CTSB: variants seen among roughly 807,000 people sequenced by gnomAD.
CTSB encodes the protein cathepsin B.
CTSB carries 57 observed loss-of-function variants against 44.3 expected under a neutral mutation model. The observed-to-expected ratio is 1.29, with a 90% confidence interval of 1.04 to 1.60. The LOEUF (loss-of-function observed/expected upper bound fraction) is 1.60, where lower values mean the gene tolerates loss of function less well. Among genes scored for constraint, CTSB ranks in the 40% most tolerant of loss-of-function variants. The probability of loss-of-function intolerance (pLI) is 0.00; values close to 1 mark genes in which losing one functional copy is unlikely to be tolerated. For missense variants in CTSB, 768 were observed against 443.0 expected (o/e 1.73, Z -6.59); for synonymous variants, 320 against 168.0 (o/e 1.91, Z -7.00).
rs771969844 is a variant in CTSB at position 11,849,181 on chromosome 8, C to T, written c.328-17G>A. ...CCCGAAGGCCTGCAGGAACGAGCCC[C>T]ACCGGGTGAGGCTGCCATGTCCGGG... On this transcript the variant is annotated splice_polypyrimidine_tract_variant and intron_variant, in intron 4 of 9. Transcript: ENST00000353047. The T allele has an allele frequency of 8.1e-6, 13 of 1,606,112 alleles. No homozygotes were observed. In the South Asian group the frequency reaches 1.2e-4, roughly 15 times the overall value.
intron 1 of CTSB, chr8:11,864,592 G>C (rs1816857595): frequency 6.6e-6 from 1 of 152,212 alleles, no homozygotes; most frequent in South Asian, 2.1e-4. Context: ...GGAAGGATCA[G>C]GAAACAGGCA....
chr8:11,846,987 C>T (rs554293720), intron 8 of CTSB, 65 bp downstream of exon 8: 2 of 860,106 alleles, frequency 2.3e-6, no homozygotes, highest in Admixed American at 3.5e-5. Context: ...CAACATGAAC[C>T]ATCCTGGCAC....
intron 1 of CTSB, chr8:11,854,947 C>G (rs766020585): frequency 1.3e-5 from 2 of 152,354 alleles, no homozygotes; most frequent in Non-Finnish European, 2.9e-5. Flanking sequence ...CAGGACAGTG[C>G]TTGTACAAGT....
rs1306169388 is a variant in CTSB at position 11,845,202 on chromosome 8, C to T, written c.943G>A (p.Gly315Arg). ...GATTCGATTCCACAGTGATCCTGTCCTCTGAGTATTTTAAAGAAGCCTGGG... is the reference window on the plus strand; with the variant it reads ...GATTCGATTCCACAGTGATCCTGTCTTCTGAGTATTTTAAAGAAGCCTGGG... Reference protein sequence around the residue: ...GDNGFFKILRGQDHCGIESEV... With the variant: ...GDNGFFKILRRQDHCGIESEV... The change falls in exon 10 of 10, where the codon GGA (glycine) becomes AGA (arginine). Residue 315 changes from glycine (G) to arginine (R), a missense_variant. Physicochemically the swap from Gly to Arg is moderately radical, Grantham distance 125 (BLOSUM62 -2). Transcript: ENST00000353047. 26 of 1,613,488 alleles carry T rather than the reference C, an allele frequency of 1.6e-5. No homozygotes were observed. The highest frequency in any genetic ancestry group is 2.0e-5 in the Non-Finnish European group (24 of 1,179,436).
chr8:11,859,253 C>T (rs1165458778), intron 1 of CTSB, among the ~76,000 whole-genome samples: 3 of 152,216 alleles, frequency 2.0e-5, no homozygotes, highest in Admixed American at 6.5e-5. Context: ...AAAGAGTGTG[C>T]GGCCAGGCGA....
chr8:11,858,734 G>T (rs771856626), intron 1 of CTSB, among the ~76,000 whole-genome samples: 1 of 152,184 alleles, frequency 6.6e-6, no homozygotes, highest in Non-Finnish European at 1.5e-5. Context: ...ACTCCATTGT[G>T]CAACAGGCGC....
chr8:11,851,044 A>C, intron 3 of CTSB, 64 bp from the exon 4 acceptor site: 3 of 1,240,760 alleles, frequency 2.4e-6, no homozygotes, highest in Non-Finnish European at 3.5e-6. Context: ...ATCCCTGCAA[A>C]GGCCACTTTG....
chr8:11,857,617 C>T (rs980509844), intron 1 of CTSB, among the ~76,000 whole-genome samples: 1 of 152,162 alleles, frequency 6.6e-6, no homozygotes, highest in Non-Finnish European at 1.5e-5. Flanking sequence ...CAGTGGCTCT[C>T]AACTCCTGGA....
chr8:11,853,424 G>C lies in CTSB; in HGVS notation c.31C>G (p.Leu11Val), dbSNP rs778054159. MWQLWASLCC[L>V]LVLANARSRP... is the part of the protein sequence containing the mutation. ...CTCCGGGCATTGGCCAACACCAGCA[G>C]GCAGCAGAGGGAGGCCCAGAGCTGC... Residue 11 changes from leucine to valine, a missense_variant, in exon 2 of 10, where the codon CTG (leucine) becomes GTG (valine). Physicochemically the swap from Leu to Val is conservative, Grantham distance 32. Coordinates refer to ENST00000353047, the MANE Select transcript of CTSB (RefSeq NM_001908.5). 1 of 1,612,604 alleles carries C rather than the reference G, an allele frequency of 6.2e-7. No individual in the cohort carries two copies. The highest frequency in any genetic ancestry group is 8.5e-7 in the Non-Finnish European group (1 of 1,179,774).
At chr8:11,856,230 C>T (rs370488135) in intron 1 of CTSB, among the ~76,000 whole-genome samples, 1 of 152,086 alleles carries the variant, frequency 6.6e-6, no homozygotes, top group African/African-American at 2.4e-5. Flanking sequence ...CAGCAACGCC[C>T]ACCAGTTTCT....
intron 1 of CTSB, among the ~76,000 whole-genome samples, chr8:11,863,331 C>A (rs1053194705): frequency 6.6e-6 from 1 of 151,868 alleles, no homozygotes; most frequent in Non-Finnish European, 1.5e-5. Flanking sequence ...TGGTGGCACA[C>A]GCCTGTAATC....
At chr8:11,852,286 G>C (rs180789268) in intron 3 of CTSB, among the ~76,000 whole-genome samples, 14 of 152,228 alleles carry the variant, frequency 9.2e-5, no homozygotes, top group African/African-American at 3.4e-4. Context: ...CATGAGAATC[G>C]CTTGAACCCG....
In CTSB at chr8:11,844,735, T is replaced by C. The variant is rs1052652675; in HGVS notation, c.*390A>G. 12 of 178,368 alleles carry C rather than the reference T, an allele frequency of 6.7e-5. No homozygotes were observed. The highest frequency in any genetic ancestry group is 1.4e-4 in the Non-Finnish European group (12 of 84,554). The allele number at this position is 178,368 out of a possible 1,614,324, so 11.0% of individuals were successfully genotyped here. A position where few individuals can be genotyped will look rare whatever the true frequency, so the allele number is the denominator to read the frequency against. On this transcript the variant is annotated 3_prime_UTR_variant, in exon 10 of 10. Coordinates refer to ENST00000353047, the MANE Select transcript of CTSB (RefSeq NM_001908.5). ...TCTGTGACAAATGTGGAAAGCTACT[T>C]GCTTGGAGGTACTGGGGGAACTGAT...
In CTSB at chr8:11,845,052, G is replaced by C; in HGVS notation, c.*73C>G. On this transcript the variant is annotated 3_prime_UTR_variant, in exon 10 of 10. Coordinates refer to ENST00000353047, the MANE Select transcript of CTSB (RefSeq NM_001908.5). Reference sequence around the variant, plus strand: ...ACCCTGTCTGAAACTTGTATCTTACGTGAACTTAAAGAATAAAATGCATTT... The same window carrying C: ...ACCCTGTCTGAAACTTGTATCTTACCTGAACTTAAAGAATAAAATGCATTT... The C allele has an allele frequency of 9.8e-7, 1 of 1,022,604 alleles. No individual in the cohort carries two copies. The highest frequency in any genetic ancestry group is 1.5e-6 in the Non-Finnish European group (1 of 653,178). The allele number at this position is 1,022,604 out of a possible 1,614,324, so 63.3% of individuals were successfully genotyped here. A position where few individuals can be genotyped will look rare whatever the true frequency, so the allele number is the denominator to read the frequency against.
intron 6 of CTSB, 46 bp downstream of exon 6, chr8:11,848,021 T>G (rs772968220): frequency 2.7e-6 from 4 of 1,495,404 alleles, no homozygotes; most frequent in Non-Finnish European, 9.2e-7. Flanking sequence ...GGTTAATTGC[T>G]CAAACAATCC....
rs1563394108 is a variant in CTSB at position 11,849,029 on chromosome 8, A to G, written c.446+17T>C. ...CTCTCAGCACTAAACCCGCTGTGGAAGCACAGCCTGACTCACCCGTCCCCA... is the reference window on the plus strand; with the variant it reads ...CTCTCAGCACTAAACCCGCTGTGGAGGCACAGCCTGACTCACCCGTCCCCA... On this transcript the variant is annotated intron_variant, in intron 5 of 9. Transcript: ENST00000353047. 2.5e-6 allele frequency: 4 copies of G among 1,589,930 alleles called. No homozygotes were observed. The highest frequency in any genetic ancestry group is 1.7e-4 in the Middle Eastern group (1 of 6,004).
At chr8:11,848,341 T>TAACCGCCAGCCCC (rs1305124320) in intron 5 of CTSB, 189 bp from the exon 6 acceptor site, 2 of 686,204 alleles carry the variant, frequency 2.9e-6, no homozygotes, top group Non-Finnish European at 5.3e-6. Context: ...TTGCAGGGAA[T>TAACCGCCAGCCCC]AACCGCCAGC....
chr8:11,865,382 T>A (rs561130329), intron 1 of CTSB: 3 of 150,362 alleles, frequency 2.0e-5, no homozygotes, highest in African/African-American at 5.0e-5. Flanking sequence ...CACATTGGGA[T>A]TTTTTTACAT....
At chr8:11,847,243 C>G in intron 7 of CTSB, 75 bp from the exon 8 acceptor site, 1 of 950,332 alleles carries the variant, frequency 1.1e-6, no homozygotes, top group Non-Finnish European at 1.7e-6. Flanking sequence ...CAGCCAGTCA[C>G]TGATTTCTGG....
Sources: allele counts gnomAD v4.1 joint callset (sites outside exome capture counted in the v4.1 genomes callset), GRCh38; gene constraint gnomAD v4.1.1; transcripts MANE v1.5; gene names NCBI Gene and HGNC (gene_info 2026-07-23, HGNC 2026-07-21).